CA10: variants seen among roughly 807,000 people sequenced by gnomAD.
CA10 encodes the protein carbonic anhydrase-related protein 10.
Under a neutral mutation model 44.2 loss-of-function variants are expected in CA10, and 14 were observed. The ratio of observed to expected loss-of-function variants is 0.32; its 90% CI spans 0.21 to 0.50. CA10 has a LOEUF of 0.50. Ranked by LOEUF, CA10 falls within the 20% of genes least tolerant of loss-of-function variation. The pLI, the probability that CA10 is intolerant of heterozygous loss-of-function variation, is 0.99. For missense variants in CA10, 350 were observed against 409.7 expected, an observed-to-expected ratio of 0.85 and a Z score of 1.26; for synonymous variants, 159 against 141.6, an observed-to-expected ratio of 1.12 and a Z score of -0.87.
At chr17:51,650,655 T>C (rs1913530749) in intron 5 of CA10, among the ~76,000 whole-genome samples, 1 of 152,198 alleles carries the variant, frequency 6.6e-6, no homozygotes, top group South Asian at 2.1e-4. Flanking sequence ...AAAAGATAGC[T>C]TGAAGCCTGC....
intron 2 of CA10, among the ~76,000 whole-genome samples, chr17:51,982,922 T>C (rs538916406): frequency 3.9e-5 from 6 of 151,948 alleles, no homozygotes; most frequent in African/African-American, 1.4e-4. Flanking sequence ...ATACCATCAC[T>C]CCTAAAATTA....
chr17:52,101,850 A>G (rs1988547467), intron 1 of CA10, among the ~76,000 whole-genome samples: 1 of 152,212 alleles, frequency 6.6e-6, no homozygotes, highest in Non-Finnish European at 1.5e-5. Context: ...TTAAATAGAA[A>G]TATTCAAAGG....
chr17:51,837,223 A>T (rs1265896585), intron 3 of CA10, among the ~76,000 whole-genome samples: 1 of 152,100 alleles, frequency 6.6e-6, no homozygotes, highest in Non-Finnish European at 1.5e-5. Flanking sequence ...TGAAGGCAAA[A>T]CTGAGTTAGC....
At chr17:51,909,837 C>A (rs1418514922) in intron 3 of CA10, among the ~76,000 whole-genome samples, 1 of 152,142 alleles carries the variant, frequency 6.6e-6, no homozygotes, top group Non-Finnish European at 1.5e-5. Context: ...GAGAAAGACT[C>A]CTTTCTTCAA....
At chr17:51,895,207 T>C (rs184270835) in intron 3 of CA10, among the ~76,000 whole-genome samples, 1 of 152,172 alleles carries the variant, frequency 6.6e-6, no homozygotes, top group Non-Finnish European at 1.5e-5. Context: ...TAGTAAGTGG[T>C]AGAAATGGAA....
At chr17:51,648,651 A>G (rs1913434686) in intron 6 of CA10, among the ~76,000 whole-genome samples, 2 of 152,120 alleles carry the variant, frequency 1.3e-5, no homozygotes, top group South Asian at 4.1e-4. Flanking sequence ...GAGTCTGGGG[A>G]TAAAACACTC....
At chr17:51,841,611 T>A (rs7219047) in intron 3 of CA10, among the ~76,000 whole-genome samples, 22,840 of 152,234 alleles carry the variant, frequency 0.15, 3,785 homozygotes, top group African/African-American at 0.42. Flanking sequence ...CAAAGAAACC[T>A]TGGTTAGTCT....
At chr17:51,751,994 C>T (rs1476826058) in intron 3 of CA10, among the ~76,000 whole-genome samples, 1 of 152,106 alleles carries the variant, frequency 6.6e-6, no homozygotes, top group Non-Finnish European at 1.5e-5. Context: ...GCTCACACTC[C>T]ATTATGGAGA....
chr17:51,913,037 G>C (rs1013998569), intron 3 of CA10, among the ~76,000 whole-genome samples: 4 of 152,162 alleles, frequency 2.6e-5, no homozygotes, highest in Non-Finnish European at 5.9e-5. Flanking sequence ...CTGGGGAAGA[G>C]GCAGAAGCTA....
In CA10 at chr17:52,042,949, CTGTT is replaced by C. The variant is rs553198167; in HGVS notation, c.136+29366_136+29369del. Reference sequence around the variant, plus strand: ...TGGTCTCTTAGTCTGTTCTATTGGTCTGTTTGTCTGTTTTTATTCTAGTACTATA... The same window carrying C: ...TGGTCTCTTAGTCTGTTCTATTGGTCTGTCTGTTTTTATTCTAGTACTATA... On this transcript the variant is annotated intron_variant, in intron 2 of 8. Transcript: ENST00000451037. Among the ~76,000 whole-genome samples, 26 of 152,066 alleles carry C rather than the reference CTGTT, an allele frequency of 1.7e-4. No individual in the cohort carries two copies. In the South Asian group the frequency reaches 5.0e-3, roughly 29 times the overall value.
chr17:51,987,731 C>T (rs1021811956), intron 2 of CA10, among the ~76,000 whole-genome samples: 5 of 151,790 alleles, frequency 3.3e-5, no homozygotes, highest in Admixed American at 6.6e-5. Flanking sequence ...TAAATAACAA[C>T]TCAAAATAGA....
At chr17:52,051,765 GC>G (rs1366778883) in intron 2 of CA10, among the ~76,000 whole-genome samples, 4 of 151,998 alleles carry the variant, frequency 2.6e-5, no homozygotes, top group Non-Finnish European at 5.9e-5. Context: ...CAACTCAGCA[GC>G]CCCATTACTG....
intron 1 of CA10, among the ~76,000 whole-genome samples, chr17:52,148,619 T>C (rs192066314): frequency 7.3e-4 from 111 of 152,290 alleles, no homozygotes; most frequent in Non-Finnish European, 1.3e-3. Flanking sequence ...CCCTCCCTCA[T>C]GGCCTCAGAT....
At chr17:51,919,379 C>G (rs188515149) in intron 3 of CA10, among the ~76,000 whole-genome samples, 1 of 152,142 alleles carries the variant, frequency 6.6e-6, no homozygotes, top group East Asian at 1.9e-4. Context: ...GCATCAAAAG[C>G]TTATCTTGGG....
At chr17:52,126,126 T>C (rs1427821588) in intron 1 of CA10, among the ~76,000 whole-genome samples, 1 of 152,190 alleles carries the variant, frequency 6.6e-6, no homozygotes, top group East Asian at 1.9e-4. Context: ...AAGTGTTATG[T>C]GAAAAAACAT....
At chr17:52,144,023 T>C (rs1989534717) in intron 1 of CA10, among the ~76,000 whole-genome samples, 1 of 152,196 alleles carries the variant, frequency 6.6e-6, no homozygotes, top group South Asian at 2.1e-4. Flanking sequence ...ATCTCAGGAA[T>C]AGCTCAGCAT....
At chr17:51,639,340 G>A (rs1912979362) in intron 6 of CA10, among the ~76,000 whole-genome samples, 1 of 152,030 alleles carries the variant, frequency 6.6e-6, no homozygotes, top group African/African-American at 2.4e-5. Flanking sequence ...AGAAAGAGAG[G>A]CATTCCAGGC....
Position 52,037,671 on chromosome 17 carries a change from C to G in CA10, c.136+34648G>C, listed in dbSNP as rs1318884549. On this transcript the variant is annotated intron_variant, in intron 2 of 8. Transcript: ENST00000451037. ...AAGGACATTCCAAGCCCTCTGTGAT[C>G]CCCAGATGACACTAGACCAGCCTCA... Among the ~76,000 whole-genome samples the G allele has an allele frequency of 2.6e-5, 4 of 152,206 alleles. No individual in the cohort carries two copies. In the East Asian group the frequency reaches 5.8e-4, roughly 22 times the overall value.
intron 3 of CA10, among the ~76,000 whole-genome samples, chr17:51,760,166 T>C (rs924751928): frequency 6.6e-6 from 1 of 152,232 alleles, no homozygotes; most frequent in African/African-American, 2.4e-5. Flanking sequence ...CATAGATCCT[T>C]CTTAACATTC....
Sources: allele counts gnomAD v4.1 joint callset (sites outside exome capture counted in the v4.1 genomes callset), GRCh38; gene constraint gnomAD v4.1.1; transcripts MANE v1.5; gene names NCBI Gene and HGNC (gene_info 2026-07-23, HGNC 2026-07-21).